The following PIK3R4 variants were observed in gnomAD, a reference collection of about 807,000 sequenced individuals.
PIK3R4 encodes phosphoinositide 3-kinase regulatory subunit 4.
PIK3R4 carries 46 observed loss-of-function variants against 136.5 expected under a neutral mutation model. The ratio of observed to expected loss-of-function variants is 0.34; its 90% CI spans 0.27 to 0.43. PIK3R4 has a LOEUF of 0.43. PIK3R4 is among the 20% of genes least tolerant of loss of function. The pLI, the probability that PIK3R4 is intolerant of heterozygous loss-of-function variation, is 1.00. For synonymous variants in PIK3R4, 557 were observed against 566.7 expected (o/e 0.98, Z 0.24); for missense variants, 1,331 against 1,649.5 (o/e 0.81, Z 3.35).
intron 9 of PIK3R4, among the ~76,000 whole-genome samples, chr3:130,715,622 A>G (rs756362471): frequency 1.3e-5 from 2 of 151,764 alleles, no homozygotes; most frequent in Non-Finnish European, 2.9e-5. Flanking sequence ...TTTCTTGTAA[A>G]TATGTTTAAG....
chr3:130,722,644 A>G (rs545469971), intron 7 of PIK3R4, among the ~76,000 whole-genome samples: 2 of 152,284 alleles, frequency 1.3e-5, no homozygotes, highest in Admixed American at 1.3e-4. Context: ...CTTAACTGGT[A>G]ATCAATGCAG....
intron 9 of PIK3R4, among the ~76,000 whole-genome samples, chr3:130,709,461 C>A (rs2066622795): frequency 6.6e-6 from 1 of 151,974 alleles, no homozygotes; most frequent in South Asian, 2.1e-4. Context: ...TAAAACCAAC[C>A]CTAGGAGGGC....
At chr3:130,704,364 C>G (rs2066595584) in intron 12 of PIK3R4, among the ~76,000 whole-genome samples, 1 of 152,172 alleles carries the variant, frequency 6.6e-6, no homozygotes, top group Non-Finnish European at 1.5e-5. Context: ...ATCACAAAAA[C>G]CGTTTGAACA....
chr3:130,690,215 G>C (rs1207475293), intron 14 of PIK3R4, among the ~76,000 whole-genome samples: 4 of 152,296 alleles, frequency 2.6e-5, no homozygotes, highest in Non-Finnish European at 5.9e-5. Context: ...GGGATGAGCT[G>C]CAAGTTCAAA....
chr3:130,743,230 G>C lies in PIK3R4; in HGVS notation c.733+1256C>G, dbSNP rs553297791. On this transcript the variant is annotated intron_variant, in intron 2 of 19. Coordinates refer to ENST00000356763, the MANE Select transcript of PIK3R4 (RefSeq NM_014602.3). ...GTTCAGGAACATTCTGGGCAACACAGTAAAATAGTCTCTACCAAAAATGTT... is the reference window on the plus strand; with the variant it reads ...GTTCAGGAACATTCTGGGCAACACACTAAAATAGTCTCTACCAAAAATGTT... Among the ~76,000 whole-genome samples, 12 of 151,436 alleles carry C rather than the reference G, an allele frequency of 7.9e-5. No homozygotes were observed. In the South Asian group the frequency reaches 2.5e-3, roughly 32 times the overall value.
At chr3:130,715,811 T>A (rs2066661519) in intron 9 of PIK3R4, among the ~76,000 whole-genome samples, 1 of 152,208 alleles carries the variant, frequency 6.6e-6, no homozygotes, top group South Asian at 2.1e-4. Flanking sequence ...CTTTTTGTCA[T>A]GAATACAATT....
In PIK3R4 at chr3:130,705,724, A is replaced by C; in HGVS notation, c.2769T>G (p.Val923=). ...TGGATGGTAAGATTGTACTACTTAA[A>C]ACCGGTATTACTGGTTTTTTATTTT... ...TVQNKKPVIP[V]LSSTILPSTY... The change falls in exon 12 of 20, where the codon GTT becomes GTG. Residue 923 remains valine (V), a synonymous_variant. Transcript: ENST00000356763. The C allele has an allele frequency of 6.2e-7, 1 of 1,612,356 alleles. No individual in the cohort carries two copies. Among genetic ancestry groups the C allele is most frequent in the Middle Eastern group, 1.7e-4 (1 of 6,056 alleles).
In PIK3R4 at chr3:130,744,829, G is replaced by C. The variant is rs779014357; in HGVS notation, c.390C>G (p.Phe130Leu). ...LNNIEKRWIAFQILTAVDQAH... is the reference protein window; with the variant it reads ...LNNIEKRWIALQILTAVDQAH... The stretch of plus-strand genomic sequence containing the variant: ...CTTGGTCCACAGCTGTCAGGATCTG[G>C]AAAGCAATCCAGCGCTTCTCAATGT... The change falls in exon 2 of 20, where the codon TTC becomes TTG. Residue 130 changes from phenylalanine (F) to leucine (L), a missense_variant. By Grantham distance (22) the Phe-to-Leu change is conservative. Transcript: ENST00000356763. 1.9e-6 allele frequency: 3 copies of C among 1,614,206 alleles called. No homozygotes were observed. In the South Asian group the frequency reaches 3.3e-5, roughly 18 times the overall value.
intron 14 of PIK3R4, among the ~76,000 whole-genome samples, chr3:130,688,803 A>G (rs1366807543): frequency 6.6e-6 from 1 of 152,196 alleles, no homozygotes; most frequent in Admixed American, 6.5e-5. Flanking sequence ...AACATCATCT[A>G]TAAGGAGTCA....
In PIK3R4 at chr3:130,718,527, G is replaced by A; in HGVS notation, c.1989C>T (p.Phe663=). ...VYEFASDIAP[F]LCHPNLWIRY... is the part of the protein sequence containing the mutation. ...GTATCCATAAATTGGGATGACACAG[G>A]AAGGGGGCTAAAGAGGAAAAGAAAA... is the stretch of plus-strand genomic sequence containing the variant. The change falls in exon 8 of 20, where the codon TTC becomes TTT. Residue 663 remains phenylalanine (F), a synonymous_variant. Transcript: ENST00000356763. The A allele has an allele frequency of 1.9e-6, 3 of 1,613,888 alleles. No homozygotes were observed. Among genetic ancestry groups the A allele is most frequent in the Non-Finnish European group, 2.5e-6 (3 of 1,179,828 alleles).
At position 130,703,731 on chromosome 3, in the gene PIK3R4, G is replaced by A. The variant is rs2066591908; in HGVS notation, c.3090C>T (p.Thr1030=). The A allele has an allele frequency of 6.2e-7, 1 of 1,609,992 alleles. No homozygotes were observed. The highest frequency in any genetic ancestry group is 1.7e-5 in the Admixed American group (1 of 59,944). The change falls in exon 13 of 20, where the codon ACC becomes ACT. Residue 1030 remains threonine, a synonymous_variant. Coordinates refer to ENST00000356763, the MANE Select transcript of PIK3R4 (RefSeq NM_014602.3). ...TCCTGAGCATATGGTACCTGGTAGTGGTGGTCTTCCCCTCCATCTTTTGAC... is the reference window on the plus strand; with the variant it reads ...TCCTGAGCATATGGTACCTGGTAGTAGTGGTCTTCCCCTCCATCTTTTGAC... ...WNSQKMEGKT[T]TTRSILTYSR... is the part of the protein sequence containing the mutation.
At position 130,684,396 on chromosome 3, in the gene PIK3R4, GA is replaced by G; in HGVS notation, c.3476-16del. The G allele has an allele frequency of 1.9e-6, 3 of 1,606,444 alleles. No individual in the cohort carries two copies. The highest frequency in any genetic ancestry group is 1.1e-5 in the South Asian group (1 of 90,348). On this transcript the variant is annotated splice_polypyrimidine_tract_variant and intron_variant, in intron 15 of 19. Coordinates refer to ENST00000356763, the MANE Select transcript of PIK3R4 (RefSeq NM_014602.3). ...ACTGCTTGTACCTTAAAGAAAAAAG[GA>G]AAAAAAGATTACCATCTAATGATCA...
At chr3:130,720,678 A>T (rs1192052777) in intron 7 of PIK3R4, among the ~76,000 whole-genome samples, 1 of 152,198 alleles carries the variant, frequency 6.6e-6, no homozygotes, top group African/African-American at 2.4e-5. Context: ...GTAGAAAAAA[A>T]TCTGTTTTAA....
chr3:130,720,331 G>A (rs959633704), intron 7 of PIK3R4, among the ~76,000 whole-genome samples: 1 of 152,126 alleles, frequency 6.6e-6, no homozygotes, highest in African/African-American at 2.4e-5. Context: ...GAGTAGCTAG[G>A]ATTACAGACA....
chr3:130,683,468 C>G (rs979680813), intron 16 of PIK3R4, among the ~76,000 whole-genome samples: 1 of 152,088 alleles, frequency 6.6e-6, no homozygotes, highest in African/African-American at 2.4e-5. Context: ...AGAGAAATGT[C>G]CTTGAAACCA....
chr3:130,702,093 GATCAGGCCACTGCAC>G (rs1466454428), intron 13 of PIK3R4, among the ~76,000 whole-genome samples: 1 of 152,054 alleles, frequency 6.6e-6, no homozygotes, highest in Non-Finnish European at 1.5e-5. Context: ...AGTGAGCTAT[GATCAGGCCACTGCAC>G]TCCAGCCTGG....
At chr3:130,686,531 T>G (rs192000669) in intron 14 of PIK3R4, 109 bp from the exon 15 acceptor site, 1 of 675,368 alleles carries the variant, frequency 1.5e-6, no homozygotes, top group Non-Finnish European at 2.6e-6. Context: ...CAGAGCTATG[T>G]GACTCTATCA....
chr3:130,700,824 A>G (rs955178980), intron 13 of PIK3R4, among the ~76,000 whole-genome samples: 1 of 152,190 alleles, frequency 6.6e-6, no homozygotes, highest in Non-Finnish European at 1.5e-5. Flanking sequence ...AAGGCATGTG[A>G]TAAGGGCGAC....
rs553595181 is a variant in PIK3R4 at position 130,725,230 on chromosome 3, G to A, written c.1808-1643C>T. On this transcript the variant is annotated intron_variant, in intron 6 of 19. Transcript: ENST00000356763. ...AAGGTGATTAAAAATATATAATAAT[G>A]TAAATTGAATATGGCTATGAATATG... Among the ~76,000 whole-genome samples, 14 of 151,820 alleles carry A rather than the reference G, an allele frequency of 9.2e-5. No individual in the cohort carries two copies. The South Asian group carries it at 2.7e-3, about 29-fold the overall frequency.
Sources: allele counts gnomAD v4.1 joint callset (sites outside exome capture counted in the v4.1 genomes callset), GRCh38; gene constraint gnomAD v4.1.1; transcripts MANE v1.5; gene names NCBI Gene and HGNC (gene_info 2026-07-23, HGNC 2026-07-21).